Variants in GRIN2A observed in about 807,000 individuals in gnomAD.
The protein encoded by GRIN2A is glutamate ionotropic receptor NMDA type subunit 2A.
Under a neutral mutation model 113.4 loss-of-function variants are expected in GRIN2A, and 22 were observed. The ratio of observed to expected loss-of-function variants is 0.19; its 90% CI spans 0.14 to 0.28. The LOEUF (loss-of-function observed/expected upper bound fraction) is 0.28. GRIN2A is among the 10% of genes least tolerant of loss of function. The pLI is 1.00. For synonymous variants in GRIN2A, 827 were observed against 738.4 expected (o/e 1.12, Z -1.94); for missense variants, 1,502 against 1,887.0 (o/e 0.80, Z 3.78).
intron 10 of GRIN2A, among the ~76,000 whole-genome samples, chr16:9,820,918 T>C (rs977762248): frequency 1.3e-5 from 2 of 152,210 alleles, no homozygotes; most frequent in African/African-American, 2.4e-5. Context: ...TCAGAAATCA[T>C]AGACTTAACT....
chr16:9,770,814 C>T (rs979188768), intron 11 of GRIN2A, among the ~76,000 whole-genome samples: 1 of 152,096 alleles, frequency 6.6e-6, no homozygotes, highest in Non-Finnish European at 1.5e-5. Context: ...TTTATAGTTA[C>T]AGAAAAACTG....
chr16:10,158,979 C>T (rs770843776), intron 2 of GRIN2A, among the ~76,000 whole-genome samples: 9 of 152,082 alleles, frequency 5.9e-5, no homozygotes, highest in Non-Finnish European at 1.2e-4. Flanking sequence ...GTGAAGGTGC[C>T]ATGGAAGGAA....
chr16:10,153,145 C>T (rs1180922629), intron 2 of GRIN2A, among the ~76,000 whole-genome samples: 2 of 152,110 alleles, frequency 1.3e-5, no homozygotes, highest in African/African-American at 4.8e-5. Flanking sequence ...AATATTGTTA[C>T]AAGTTGGTAC....
chr16:10,153,139 T>C (rs2049618864), intron 2 of GRIN2A, among the ~76,000 whole-genome samples: 1 of 152,184 alleles, frequency 6.6e-6, no homozygotes, highest in Admixed American at 6.5e-5. Context: ...ACAATTAATA[T>C]TGTTACAAGT....
intron 2 of GRIN2A, among the ~76,000 whole-genome samples, chr16:10,168,618 G>C (rs2049971713): frequency 6.6e-6 from 1 of 152,136 alleles, no homozygotes; most frequent in African/African-American, 2.4e-5. Flanking sequence ...TCTTCTGTTA[G>C]AGACCTAATT....
intron 2 of GRIN2A, among the ~76,000 whole-genome samples, chr16:10,016,045 G>A (rs1244149687): frequency 6.6e-6 from 1 of 150,688 alleles, no homozygotes; most frequent in Admixed American, 6.6e-5. Context: ...GAACCCAGGA[G>A]GTGGAGGTTG....
chr16:9,962,193 T>C (rs1373829806), intron 2 of GRIN2A, among the ~76,000 whole-genome samples: 2 of 152,144 alleles, frequency 1.3e-5, no homozygotes, highest in African/African-American at 4.8e-5. Flanking sequence ...ATTCAGGACA[T>C]AGGCATGGTC....
At chr16:10,044,005 G>GTATATATATATA (rs749614491) in intron 2 of GRIN2A, among the ~76,000 whole-genome samples, 277 of 99,914 alleles carry the variant, frequency 2.8e-3, no homozygotes, top group East Asian at 9.1e-3. Flanking sequence ...GTGTGTGTGT[G>GTATATATATATA]TGTATATATA....
Position 9,754,351 on chromosome 16 carries a change from A to G in GRIN2A, c.*8798T>C, listed in dbSNP as rs1900275460. The G allele has an allele frequency of 4.8e-6, 1 of 208,196 alleles. No individual in the cohort carries two copies. The highest frequency in any genetic ancestry group is 1.9e-4 in the South Asian group (1 of 5,306). 12.9% of individuals were successfully genotyped at this position (208,196 alleles called of 1,614,324 possible). ...CAGGTTTGGAAGGCATCTGAGCCAC[A>G]TCTAACTATGTCACTGCTGTGTCAA... On this transcript the variant is annotated 3_prime_UTR_variant, in exon 13 of 13. Coordinates refer to ENST00000330684, the MANE Select transcript of GRIN2A (RefSeq NM_001134407.3).
intron 2 of GRIN2A, among the ~76,000 whole-genome samples, chr16:10,129,402 T>C (rs1426536792): frequency 6.6e-6 from 1 of 152,104 alleles, no homozygotes; most frequent in Non-Finnish European, 1.5e-5. Flanking sequence ...AACCATATAA[T>C]ACTTAGATAG....
At chr16:10,119,584 T>C (rs2048794084) in intron 2 of GRIN2A, among the ~76,000 whole-genome samples, 1 of 152,182 alleles carries the variant, frequency 6.6e-6, no homozygotes, top group African/African-American at 2.4e-5. Flanking sequence ...TTTTTAACTT[T>C]CATTTTAGGT....
chr16:10,065,366 C>T (rs917027664), intron 2 of GRIN2A, among the ~76,000 whole-genome samples: 13 of 152,332 alleles, frequency 8.5e-5, no homozygotes, highest in African/African-American at 1.2e-4. Context: ...ATTTCGGCCT[C>T]CTTGTTACAA....
chr16:10,021,749 C>T (rs778900057), intron 2 of GRIN2A, among the ~76,000 whole-genome samples: 1 of 151,910 alleles, frequency 6.6e-6, no homozygotes, highest in Admixed American at 6.6e-5. Flanking sequence ...TCTCCCCTGT[C>T]AGGGGAGACA....
intron 3 of GRIN2A, among the ~76,000 whole-genome samples, chr16:9,917,079 TC>T (rs2141569830): frequency 6.6e-6 from 1 of 152,376 alleles, no homozygotes; most frequent in East Asian, 1.9e-4. Flanking sequence ...CTTTGCGCAC[TC>T]TGCTCCCTTT....
intron 2 of GRIN2A, among the ~76,000 whole-genome samples, chr16:9,961,972 T>C (rs1049863393): frequency 6.6e-6 from 1 of 152,126 alleles, no homozygotes; most frequent in Non-Finnish European, 1.5e-5. Flanking sequence ...TCTACAACTA[T>C]CTGGTCTTTG....
At chr16:10,159,819 C>A (rs1316941981) in intron 2 of GRIN2A, among the ~76,000 whole-genome samples, 1 of 152,188 alleles carries the variant, frequency 6.6e-6, no homozygotes, top group Non-Finnish European at 1.5e-5. Context: ...ACTCAAAGCT[C>A]CACATTTTTG....
intron 2 of GRIN2A, among the ~76,000 whole-genome samples, chr16:10,059,719 CGA>C (rs2047517791): frequency 1.8e-5 from 1 of 56,824 alleles, no homozygotes; most frequent in African/African-American, 6.3e-5. Flanking sequence ...CCATCGTGAC[CGA>C]AAAAAAAAAA....
chr16:9,966,787 G>A (rs2045563755), intron 2 of GRIN2A, among the ~76,000 whole-genome samples: 1 of 152,204 alleles, frequency 6.6e-6, no homozygotes, highest in Non-Finnish European at 1.5e-5. Flanking sequence ...TTAAAACACA[G>A]ACTGACAATC....
chr16:9,763,994 A>G lies in GRIN2A; in HGVS notation c.3550T>C (p.Tyr1184His). The change falls in exon 13 of 13, where the codon TAT becomes CAT. Residue 1184 changes from tyrosine to histidine, a missense_variant. Around this residue, in one of 7 missense-constraint regions of GRIN2A, gnomAD observed 832 missense variants for 789.7 expected, o/e 1.05. Transcript: ENST00000330684. Reference sequence around the variant, plus strand: ...GTGAAGTGCTTGGAGTAGAGTTTATACTGGTCGTTGTTGGAAAGCCCCTCT... The same window carrying G: ...GTGAAGTGCTTGGAGTAGAGTTTATGCTGGTCGTTGTTGGAAAGCCCCTCT... ...NEEGLSNNDQ[Y>H]KLYSKHFTLK... The G allele has an allele frequency of 4.3e-6, 7 of 1,614,030 alleles. No individual in the cohort carries two copies. The highest frequency in any genetic ancestry group is 1.1e-5 in the South Asian group (1 of 91,066).
Sources: gnomAD v4.1 joint callset for allele counts (sites outside exome capture counted in the v4.1 genomes callset) on GRCh38, gnomAD v4.1.1 for gene constraint, gnomAD v4.1.1 regional missense constraint, MANE v1.5 for transcripts, NCBI Gene and HGNC (gene_info 2026-07-23, HGNC 2026-07-21) for gene names.